IQSEC1: variants seen among roughly 807,000 people sequenced by gnomAD.
IQSEC1 encodes the protein IQ motif and Sec7 domain ArfGEF 1, also known as IQ motif and SEC7 domain-containing protein 1.
IQSEC1 carries 31 observed loss-of-function variants against 91.0 expected under a neutral mutation model. The observed-to-expected ratio is 0.34, with a 90% CI of 0.26 to 0.46. The LOEUF (loss-of-function observed/expected upper bound fraction) is 0.46. IQSEC1 is among the 20% of genes least tolerant of loss of function. IQSEC1 has a pLI of 1.00. For missense variants in IQSEC1, 1,388 were observed against 1,575.6 expected, an observed-to-expected ratio of 0.88 and a Z score of 2.02; for synonymous variants, 699 against 662.6, an observed-to-expected ratio of 1.05 and a Z score of -0.84.
At chr3:13,060,906 G>T (rs909748137) in intron 1 of IQSEC1, among the ~76,000 whole-genome samples, 4 of 152,188 alleles carry the variant, frequency 2.6e-5, no homozygotes, top group East Asian at 1.9e-4. Context: ...CAGCCCAGGG[G>T]GGAGCCTTGA....
At chr3:13,219,471 T>C (rs1694615214) in intron 1 of IQSEC1, among the ~76,000 whole-genome samples, 1 of 152,162 alleles carries the variant, frequency 6.6e-6, no homozygotes, top group African/African-American at 2.4e-5. Context: ...ATGGCCACCA[T>C]CAAGGATGTG....
At chr3:13,043,841 G>A (rs368801672) in intron 1 of IQSEC1, among the ~76,000 whole-genome samples, 31 of 152,278 alleles carry the variant, frequency 2.0e-4, no homozygotes, top group African/African-American at 6.7e-4. Flanking sequence ...ACCCGACATC[G>A]TTTGCAAAGC....
At chr3:13,273,068 C>T (rs1167566029) in intron 1 of IQSEC1, among the ~76,000 whole-genome samples, 4 of 152,220 alleles carry the variant, frequency 2.6e-5, no homozygotes, top group African/African-American at 9.6e-5. Flanking sequence ...CCTTGCCACT[C>T]CTCTAGCAGG....
intron 1 of IQSEC1, among the ~76,000 whole-genome samples, chr3:13,058,130 G>C (rs557492321): frequency 1.3e-5 from 2 of 152,126 alleles, no homozygotes; most frequent in Non-Finnish European, 2.9e-5. Context: ...AAAAACAGCC[G>C]GGCGTGGTGG....
chr3:13,035,956 G>A (rs1006753751), intron 1 of IQSEC1, among the ~76,000 whole-genome samples: 11 of 152,188 alleles, frequency 7.2e-5, no homozygotes, highest in African/African-American at 2.4e-4. Flanking sequence ...TGCCAGCCCT[G>A]GCTAAGGTCT....
chr3:13,018,518 G>A (rs1703249584), intron 1 of IQSEC1, among the ~76,000 whole-genome samples: 1 of 152,268 alleles, frequency 6.6e-6, no homozygotes, highest in South Asian at 2.1e-4. Context: ...AGATGCAAAA[G>A]TGATCTTCCT....
rs1320978278 is a variant in IQSEC1 at position 13,073,025 on chromosome 3, T to A, written c.-11A>T. On this transcript the variant is annotated 5_prime_UTR_variant, in exon 1 of 14. Coordinates refer to ENST00000613206, the MANE Select transcript of IQSEC1 (RefSeq NM_001134382.3). ...TCTTCTGCAAGCCATCCTGTGTGAA[T>A]CCGTTCTTCCCTGTTCTGGCTCCCT... The A allele has an allele frequency of 1.3e-6, 2 of 1,551,642 alleles. No individual in the cohort carries two copies. The highest frequency in any genetic ancestry group is 2.0e-5 in the Admixed American group (1 of 50,994).
chr3:12,964,512 A>G (rs529151108), intron 1 of IQSEC1, among the ~76,000 whole-genome samples: 1 of 152,304 alleles, frequency 6.6e-6, no homozygotes, highest in Admixed American at 6.5e-5. Flanking sequence ...CAGAGTGCTG[A>G]CCTGGACAAA....
At chr3:13,252,730 T>TG (rs1553579816) in intron 1 of IQSEC1, among the ~76,000 whole-genome samples, 14 of 150,842 alleles carry the variant, frequency 9.3e-5, no homozygotes, top group African/African-American at 2.5e-4. Flanking sequence ...TTTTTTTTGT[T>TG]TTTGTTTGTT....
rs558111283 is a variant in IQSEC1, at chr3:12,984,203, C to T, written c.24-42338G>A. On this transcript the variant is annotated intron_variant, in intron 1 of 13. Coordinates refer to ENST00000613206, the MANE Select transcript of IQSEC1 (RefSeq NM_001134382.3). ...GAAGGTGTTTGGAGTTTCCTTTCCC[C>T]TGGGGTTACCAGCAGAGTCCCTGGA... Among the ~76,000 whole-genome samples, 4 of 152,300 alleles carry T rather than the reference C, an allele frequency of 2.6e-5. 1 individual carries two copies. Among genetic ancestry groups the T allele is most frequent in the Admixed American group, 1.3e-4 (2 of 15,302 alleles).
chr3:13,022,965 A>T lies in IQSEC1; in HGVS notation c.23+50027T>A, dbSNP rs2124979263. ...ACTGTGGGCTTGTGGAGCTCTGGGA[A>T]TTGGCCTAAGCCCTCCTCAGGCCAA... On this transcript the variant is annotated intron_variant, in intron 1 of 13. Coordinates refer to ENST00000613206, the MANE Select transcript of IQSEC1 (RefSeq NM_001134382.3). Among the ~76,000 whole-genome samples, 2 of 152,296 alleles carry T rather than the reference A, an allele frequency of 1.3e-5. 1 individual carries two copies. Among genetic ancestry groups the T allele is most frequent in the South Asian group, 4.1e-4 (2 of 4,828 alleles).
chr3:13,102,307 A>G (rs980361604), intron 2 of IQSEC1, among the ~76,000 whole-genome samples: 1 of 151,632 alleles, frequency 6.6e-6, no homozygotes, highest in Middle Eastern at 3.2e-3. Context: ...ATAATAAATA[A>G]CCTCTGCCTT....
chr3:13,232,618 C>T (rs552804545), intron 1 of IQSEC1, among the ~76,000 whole-genome samples: 5 of 152,216 alleles, frequency 3.3e-5, no homozygotes, highest in East Asian at 3.9e-4. Context: ...TGACAGTCCA[C>T]GAAAGTGAGC....
chr3:13,058,162 A>G (rs915843691), intron 1 of IQSEC1, among the ~76,000 whole-genome samples: 1 of 152,118 alleles, frequency 6.6e-6, no homozygotes, highest in Admixed American at 6.5e-5. Context: ...AATCCCAGCA[A>G]CTCAGGAGGC....
intron 1 of IQSEC1, among the ~76,000 whole-genome samples, chr3:13,227,269 G>A (rs1283719118): frequency 6.6e-6 from 1 of 151,378 alleles, no homozygotes. Flanking sequence ...CCAGCTACTC[G>A]GGAGGCTGAG....
chr3:12,999,079 T>G (rs1702326382), intron 1 of IQSEC1, among the ~76,000 whole-genome samples: 1 of 152,200 alleles, frequency 6.6e-6, no homozygotes, highest in Non-Finnish European at 1.5e-5. Context: ...TGTTTAAAAC[T>G]AATTTCTGAG....
intron 1 of IQSEC1, among the ~76,000 whole-genome samples, chr3:13,065,773 G>C (rs1032209632): frequency 1.3e-5 from 2 of 152,186 alleles, no homozygotes. Flanking sequence ...ACTCGGAGAG[G>C]TATTTGCACA....
At chr3:13,149,973 T>G (rs1429886228) in intron 2 of IQSEC1, among the ~76,000 whole-genome samples, 1 of 152,192 alleles carries the variant, frequency 6.6e-6, no homozygotes, top group African/African-American at 2.4e-5. Flanking sequence ...AAACAGTCCC[T>G]AGGCTCCCGG....
Position 12,900,084 on chromosome 3 carries a change from A to T in IQSEC1, c.*899T>A. Reference sequence around the variant, plus strand: ...CAGCTGTCCTGAGTTGCTACTGTAGAGTGTACTGCAGTTTAGCTATTTGCT... The same window carrying T: ...CAGCTGTCCTGAGTTGCTACTGTAGTGTGTACTGCAGTTTAGCTATTTGCT... On this transcript the variant is annotated 3_prime_UTR_variant, in exon 14 of 14. Transcript: ENST00000613206. 1 of 982,684 alleles carries T rather than the reference A, an allele frequency of 1.0e-6. No homozygotes were observed. The highest frequency in any genetic ancestry group is 1.2e-6 in the Non-Finnish European group (1 of 827,496). The allele number at this position is 982,684 out of a possible 1,614,324, so 60.9% of individuals were successfully genotyped here.
Sources: gnomAD v4.1 joint callset for allele counts (sites outside exome capture counted in the v4.1 genomes callset) on GRCh38, gnomAD v4.1.1 for gene constraint, MANE v1.5 for transcripts, NCBI Gene and HGNC (gene_info 2026-07-23, HGNC 2026-07-21) for gene names.